Variants in TRPS1 observed in about 807,000 individuals in gnomAD.
TRPS1 encodes transcriptional repressor GATA binding 1.
A neutral mutation model predicts 101.2 loss-of-function variants in TRPS1; 6 were observed. The observed-to-expected ratio is 0.06, with a 90% CI of 0.03 to 0.12. TRPS1 has a LOEUF of 0.12. TRPS1 is among the 10% of genes least tolerant of loss of function. The probability of loss-of-function intolerance (pLI) is 1.00; values close to 1 mark genes in which losing one functional copy is unlikely to be tolerated. For missense variants in TRPS1, 1,363 were observed against 1,567.0 expected, an observed-to-expected ratio of 0.87 and a Z score of 2.20; for synonymous variants, 578 against 589.8, an observed-to-expected ratio of 0.98 and a Z score of 0.29.
intron 5 of TRPS1, among the ~76,000 whole-genome samples, chr8:115,578,340 C>T (rs532077388): frequency 1.3e-5 from 2 of 152,106 alleles, no homozygotes; most frequent in African/African-American, 2.4e-5. Flanking sequence ...GTGACTTGGA[C>T]GTTAAATACC....
At chr8:115,469,094 T>C (rs1174079482) in intron 5 of TRPS1, among the ~76,000 whole-genome samples, 1 of 152,194 alleles carries the variant, frequency 6.6e-6, no homozygotes, top group East Asian at 1.9e-4. Flanking sequence ...TAAGCCATTA[T>C]CTTGTCACTG....
chr8:115,463,076 T>TA (rs1183114934), intron 5 of TRPS1, among the ~76,000 whole-genome samples: 6 of 152,204 alleles, frequency 3.9e-5, no homozygotes, highest in African/African-American at 1.4e-4. Flanking sequence ...ATCGTCTTTA[T>TA]AACAAAACTT....
intron 1 of TRPS1, among the ~76,000 whole-genome samples, chr8:115,631,653 GGATGGATGGATGGATGGA>G (rs1369569631): frequency 4.7e-5 from 7 of 147,546 alleles, no homozygotes; most frequent in African/African-American, 1.9e-4. Context: ...ATGGATGGAT[GGATGGATGGATGGATGGA>G]TGGATGGATG....
intron 5 of TRPS1, among the ~76,000 whole-genome samples, chr8:115,420,490 T>G (rs566302021): frequency 6.6e-6 from 1 of 152,318 alleles, no homozygotes; most frequent in South Asian, 2.1e-4. Flanking sequence ...ATTTGGAAAT[T>G]AACCCACATA....
intron 5 of TRPS1, among the ~76,000 whole-genome samples, chr8:115,435,431 G>A (rs1813423540): frequency 6.6e-6 from 1 of 152,110 alleles, no homozygotes; most frequent in African/African-American, 2.4e-5. Flanking sequence ...GGATTCTAAA[G>A]ACTCCCCATG....
chr8:115,455,162 G>A (rs550868767), intron 5 of TRPS1, among the ~76,000 whole-genome samples: 1 of 152,240 alleles, frequency 6.6e-6, no homozygotes, highest in African/African-American at 2.4e-5. Flanking sequence ...TATCTTAACA[G>A]GCACATATTG....
chr8:115,559,608 T>C (rs1428149140), intron 5 of TRPS1, among the ~76,000 whole-genome samples: 1 of 152,148 alleles, frequency 6.6e-6, no homozygotes, highest in African/African-American at 2.4e-5. Flanking sequence ...GACACTGATA[T>C]ATGTTTATTG....
intron 5 of TRPS1, among the ~76,000 whole-genome samples, chr8:115,485,248 G>A (rs986876609): frequency 6.6e-6 from 1 of 152,118 alleles, no homozygotes; most frequent in African/African-American, 2.4e-5. Context: ...AGTGGTCTCC[G>A]GCCAACAGCT....
chr8:115,445,699 A>G (rs1813715564), intron 5 of TRPS1, among the ~76,000 whole-genome samples: 1 of 152,184 alleles, frequency 6.6e-6, no homozygotes. Context: ...ACTAACTTGA[A>G]GACAATTTTC....
At chr8:115,480,379 C>A (rs1814720356) in intron 5 of TRPS1, among the ~76,000 whole-genome samples, 1 of 152,008 alleles carries the variant, frequency 6.6e-6, no homozygotes. Flanking sequence ...GGCTGGCTGG[C>A]AGAGTTTCTG....
chr8:115,457,201 G>C (rs1814050949), intron 5 of TRPS1, among the ~76,000 whole-genome samples: 1 of 152,164 alleles, frequency 6.6e-6, no homozygotes, highest in African/African-American at 2.4e-5. Flanking sequence ...ATTAGAAAAA[G>C]TATAGGAAGC....
intron 5 of TRPS1, among the ~76,000 whole-genome samples, chr8:115,497,209 G>T (rs1412481014): frequency 6.6e-6 from 1 of 152,186 alleles, no homozygotes; most frequent in Non-Finnish European, 1.5e-5. Context: ...CAGATGAGGG[G>T]TATGGTTTGG....
At chr8:115,596,800 A>G (rs529110136) in intron 4 of TRPS1, among the ~76,000 whole-genome samples, 1 of 151,932 alleles carries the variant, frequency 6.6e-6, no homozygotes, top group Non-Finnish European at 1.5e-5. Context: ...ATATGTATGC[A>G]TGCATATGAT....
rs1171565296 is a variant in TRPS1 at position 115,418,699 on chromosome 8, G to A, written c.2701-247C>T. On this transcript the variant is annotated intron_variant, in intron 5 of 6. Transcript: ENST00000395715. This position sits in a 1 kb window ranked among gnomAD's most constrained non-coding sequence, Gnocchi z 4.3. ...TTCACAGAAACAGCTTTAACTTTTT[G>A]AACTTTGGGTTTTATGGCTTTAATG... is the stretch of plus-strand genomic sequence containing the variant. Among the ~76,000 whole-genome samples the A allele has an allele frequency of 6.6e-6, 1 of 152,160 alleles. No individual in the cohort carries two copies. The highest frequency in any genetic ancestry group is 1.5e-5 in the Non-Finnish European group (1 of 68,018).
At chr8:115,485,202 T>C (rs189265971) in intron 5 of TRPS1, among the ~76,000 whole-genome samples, 7 of 152,196 alleles carry the variant, frequency 4.6e-5, no homozygotes, top group African/African-American at 1.4e-4. Context: ...CACACATCTA[T>C]GAGGGCCACA....
rs141679973 is a variant in TRPS1, at chr8:115,635,426, G to A, written c.-121-11668C>T. Among the ~76,000 whole-genome samples the A allele has an allele frequency of 3.1e-3, 479 of 152,226 alleles. 3 individuals are homozygous for A. The highest frequency in any genetic ancestry group is 0.011 in the African/African-American group (454 of 41,550). On this transcript the variant is annotated intron_variant, in intron 1 of 6. Coordinates refer to ENST00000395715, the MANE Select transcript of TRPS1 (RefSeq NM_014112.5). ...CTGATGCTCCTAAGTCAAAACTCAC[G>A]TAACATTTATTCATTCAACATAGTT... is the stretch of plus-strand genomic sequence containing the variant.
chr8:115,504,738 T>G (rs1454441305), intron 5 of TRPS1, among the ~76,000 whole-genome samples: 3 of 152,212 alleles, frequency 2.0e-5, no homozygotes, highest in African/African-American at 7.2e-5. Flanking sequence ...GCATATTTAT[T>G]CTGAAATCCA....
At chr8:115,659,226 T>C (rs1212545211) in intron 1 of TRPS1, among the ~76,000 whole-genome samples, 1 of 151,956 alleles carries the variant, frequency 6.6e-6, no homozygotes, top group African/African-American at 2.4e-5. Flanking sequence ...ATTTCATATT[T>C]TTCAATCCTT....
At chr8:115,507,598 T>A (rs1815478563) in intron 5 of TRPS1, among the ~76,000 whole-genome samples, 1 of 152,016 alleles carries the variant, frequency 6.6e-6, no homozygotes, top group Non-Finnish European at 1.5e-5. Flanking sequence ...AAGTCTCTCG[T>A]CACCCATACA....
Sources: allele counts gnomAD v4.1 joint callset (sites outside exome capture counted in the v4.1 genomes callset), GRCh38; gene constraint gnomAD v4.1.1; non-coding constraint Gnocchi (gnomAD v3.1); transcripts MANE v1.5; gene names NCBI Gene and HGNC (gene_info 2026-07-23, HGNC 2026-07-21).